Variants in FIG4 observed in about 807,000 individuals in gnomAD.
FIG4 encodes FIG4 phosphoinositide 5-phosphatase.
FIG4 carries 112 observed loss-of-function variants against 118.6 expected under a neutral mutation model. The observed-to-expected ratio is 0.94, with a 90% CI of 0.81 to 1.11. The LOEUF is 1.11. Ranked by LOEUF, FIG4 falls within the 50% of genes least tolerant of loss-of-function variation. The probability of loss-of-function intolerance (pLI) is 0.00; values close to 1 mark genes in which losing one functional copy is unlikely to be tolerated. For synonymous variants in FIG4, 369 were observed against 381.2 expected, an observed-to-expected ratio of 0.97 and a Z score of 0.37; for missense variants, 969 against 1,111.7, an observed-to-expected ratio of 0.87 and a Z score of 1.83.
At chr6:109,784,892 A>G (rs1030815034) in intron 16 of FIG4, 78 bp from the exon 17 acceptor site, 1 of 748,308 alleles carries the variant, frequency 1.3e-6, no homozygotes, top group African/African-American at 1.8e-5. Context: ...TAGACCATAT[A>G]AATTATTTTA....
chr6:109,765,013 A>G lies in FIG4; in HGVS notation c.1435A>G (p.Thr479Ala), dbSNP rs777583029. The change falls in exon 14 of 23, where the codon ACT becomes GCT. Residue 479 changes from threonine (T) to alanine (A), a missense_variant and splice_region_variant. By Grantham distance (58) the Thr-to-Ala change is moderately conservative. Coordinates refer to ENST00000230124, the MANE Select transcript of FIG4 (RefSeq NM_014845.6). ...AAAATCTTAAGGTATTTCTCTTTAGACTGGCATCCTTCGAACCAACTGTGT... is the reference window on the plus strand; with the variant it reads ...AAAATCTTAAGGTATTTCTCTTTAGGCTGGCATCCTTCGAACCAACTGTGT... ...GCVIPTGRLQ[T>A]GILRTNCVDC... 1.1e-5 allele frequency: 17 copies of G among 1,613,566 alleles called. No homozygotes were observed. The South Asian group carries it at 1.9e-4, about 18-fold the overall frequency.
intron 1 of FIG4, among the ~76,000 whole-genome samples, chr6:109,709,686 G>A (rs1775197454): frequency 6.6e-6 from 1 of 152,154 alleles, no homozygotes; most frequent in Admixed American, 6.5e-5. Context: ...TCCCTAGTTA[G>A]CTGTATTCCT....
chr6:109,768,070 C>T (rs1250111211), intron 15 of FIG4, among the ~76,000 whole-genome samples: 1 of 152,094 alleles, frequency 6.6e-6, no homozygotes, highest in Admixed American at 6.5e-5. Flanking sequence ...GAGTGTGCCA[C>T]ATTGGGAATT....
At chr6:109,754,158 G>T (rs1221220784) in intron 10 of FIG4, among the ~76,000 whole-genome samples, 1 of 152,118 alleles carries the variant, frequency 6.6e-6, no homozygotes, top group Non-Finnish European at 1.5e-5. Flanking sequence ...AAGCGTTGTT[G>T]AATTTTCTCA....
chr6:109,810,620 G>A lies in FIG4; in HGVS notation c.2546+13769G>A, dbSNP rs373899150. On this transcript the variant is annotated intron_variant, in intron 22 of 22. Transcript: ENST00000230124. Reference sequence around the variant, plus strand: ...ACATTCTTCCTCCTGTGCTGCATACGCATTCAAAGCCCAATGGGAATTAAG... The same window carrying A: ...ACATTCTTCCTCCTGTGCTGCATACACATTCAAAGCCCAATGGGAATTAAG... Among the ~76,000 whole-genome samples, 141 of 152,262 alleles carry A rather than the reference G, an allele frequency of 9.3e-4. 1 individual carries two copies. In the South Asian group the frequency reaches 0.015, roughly 16 times the overall value.
chr6:109,814,878 G>A (rs927699700), intron 22 of FIG4, among the ~76,000 whole-genome samples: 47 of 152,150 alleles, frequency 3.1e-4, no homozygotes, highest in African/African-American at 8.2e-4. Flanking sequence ...CAAGATCTGA[G>A]CATTAGGTAT....
rs1246366317 is a variant in FIG4, at chr6:109,752,456, C to T, written c.1138-7794C>T. Among the ~76,000 whole-genome samples the T allele has an allele frequency of 6.6e-5, 10 of 151,980 alleles. No homozygotes were observed. In the East Asian group the frequency reaches 1.7e-3, roughly 26 times the overall value. On this transcript the variant is annotated intron_variant, in intron 10 of 22. Coordinates refer to ENST00000230124, the MANE Select transcript of FIG4 (RefSeq NM_014845.6). ...TTGAACTAGTTTACAGTCCCACCAA[C>T]AGTGTAAAAGTGTTCCTATTTCTCC...
At chr6:109,691,619 C>T in intron 1 of FIG4, 118 bp downstream of exon 1, 1 of 955,044 alleles carries the variant, frequency 1.0e-6, no homozygotes, top group East Asian at 2.6e-5. Flanking sequence ...GTTCCCAAAT[C>T]CCTGTCAAAC....
intron 3 of FIG4, among the ~76,000 whole-genome samples, chr6:109,726,113 A>G (rs1396887411): frequency 2.3e-5 from 3 of 133,012 alleles, no homozygotes; most frequent in South Asian, 2.7e-4. Flanking sequence ...ATTAAATCCC[A>G]TTTGTCAATT....
chr6:109,733,394 G>C (rs909290934), intron 5 of FIG4, among the ~76,000 whole-genome samples: 1 of 151,984 alleles, frequency 6.6e-6, no homozygotes, highest in Admixed American at 6.6e-5. Context: ...TGCAATTATT[G>C]TGATAGATGG....
chr6:109,716,647 A>G, intron 3 of FIG4, 79 bp downstream of exon 3: 1 of 1,462,628 alleles, frequency 6.8e-7, no homozygotes, highest in Non-Finnish European at 9.5e-7. Context: ...AAAGGAGTTT[A>G]TAAGGCTATA....
At chr6:109,722,349 T>C (rs1240270619) in intron 3 of FIG4, among the ~76,000 whole-genome samples, 1 of 152,166 alleles carries the variant, frequency 6.6e-6, no homozygotes, top group Non-Finnish European at 1.5e-5. Flanking sequence ...TTGAGGCATC[T>C]TTCCATTATA....
chr6:109,757,828 G>A (rs1216278844), intron 10 of FIG4, among the ~76,000 whole-genome samples: 1 of 152,150 alleles, frequency 6.6e-6, no homozygotes, highest in Non-Finnish European at 1.5e-5. Context: ...AATAGACAGA[G>A]AGTCAAATCA....
chr6:109,720,632 G>A (rs1422466395), intron 3 of FIG4, among the ~76,000 whole-genome samples: 1 of 152,088 alleles, frequency 6.6e-6, no homozygotes, highest in African/African-American at 2.4e-5. Flanking sequence ...CCTGTGTGAG[G>A]GCAGATTCAC....
intron 1 of FIG4, among the ~76,000 whole-genome samples, chr6:109,713,125 G>A (rs900098803): frequency 2.0e-5 from 3 of 152,204 alleles, no homozygotes; most frequent in African/African-American, 7.2e-5. Context: ...CCAACGTGTA[G>A]TGACTGCTGG....
At chr6:109,748,477 G>T (rs1471647853) in intron 10 of FIG4, among the ~76,000 whole-genome samples, 1 of 152,088 alleles carries the variant, frequency 6.6e-6, no homozygotes, top group African/African-American at 2.4e-5. Context: ...AAGCAGTGTG[G>T]AAATAAAAGA....
At chr6:109,795,409 G>A (rs1282717061) in intron 21 of FIG4, among the ~76,000 whole-genome samples, 3 of 151,874 alleles carry the variant, frequency 2.0e-5, no homozygotes, top group African/African-American at 7.3e-5. Flanking sequence ...AAAGTAAGCT[G>A]TTTGAAAGTT....
At chr6:109,736,371 T>C (rs969803267) in intron 6 of FIG4, among the ~76,000 whole-genome samples, 4 of 152,174 alleles carry the variant, frequency 2.6e-5, no homozygotes, top group Non-Finnish European at 5.9e-5. Flanking sequence ...TTGACTCTTG[T>C]TAGTTTACTT....
intron 14 of FIG4, among the ~76,000 whole-genome samples, chr6:109,766,155 G>A (rs1019038562): frequency 6.6e-6 from 1 of 152,168 alleles, no homozygotes; most frequent in African/African-American, 2.4e-5. Flanking sequence ...ACTGAAGAGA[G>A]CTAGCTAGCC....
Sources: gnomAD v4.1 joint callset for allele counts (sites outside exome capture counted in the v4.1 genomes callset) on GRCh38, gnomAD v4.1.1 for gene constraint, MANE v1.5 for transcripts, NCBI Gene and HGNC (gene_info 2026-07-23, HGNC 2026-07-21) for gene names.